The following MIOS variants were observed in gnomAD, a reference collection of about 807,000 sequenced individuals.
MIOS encodes meiosis regulator for oocyte development, also known as GATOR2 complex protein MIOS.
Under a neutral mutation model 96.9 loss-of-function variants are expected in MIOS, and 52 were observed. The observed-to-expected ratio is 0.54, with a 90% CI of 0.43 to 0.68. MIOS has a LOEUF of 0.68. Ranked by LOEUF, MIOS falls within the 30% of genes least tolerant of loss-of-function variation. The pLI, the probability that MIOS is intolerant of heterozygous loss-of-function variation, is 0.00. For missense variants in MIOS, 1,005 were observed against 1,052.8 expected, an observed-to-expected ratio of 0.95 and a Z score of 0.63; for synonymous variants, 397 against 359.5, an observed-to-expected ratio of 1.10 and a Z score of -1.18.
Position 7,593,914 on chromosome 7 carries a change from A to G in MIOS, c.2044-1066A>G, listed in dbSNP as rs577103022. 1.5e-3 allele frequency among the ~76,000 whole-genome samples: 225 copies of G among 151,662 alleles called. 1 individual carries two copies. Among genetic ancestry groups the G allele is most frequent in the Non-Finnish European group, 2.7e-3 (184 of 67,876 alleles). On this transcript the variant is annotated intron_variant, in intron 9 of 12. Transcript: ENST00000340080. ...AAAAAAAGAAAAAGAAAAGAAAAAA[A>G]GAAAACCTAAAGCAAGCATAGATGA...
At chr7:7,591,729 T>C (rs1784053774) in intron 9 of MIOS, among the ~76,000 whole-genome samples, 1 of 152,218 alleles carries the variant, frequency 6.6e-6, no homozygotes, top group South Asian at 2.1e-4. Context: ...GACCTTAATG[T>C]ACCTGGTTGT....
intron 10 of MIOS, among the ~76,000 whole-genome samples, chr7:7,595,753 A>G (rs1459592293): frequency 1.3e-5 from 2 of 152,236 alleles, no homozygotes; most frequent in East Asian, 1.9e-4. Flanking sequence ...AATCTATATG[A>G]TAAGTGATTA....
chr7:7,601,102 A>G (rs1784363257), intron 11 of MIOS, among the ~76,000 whole-genome samples: 1 of 152,206 alleles, frequency 6.6e-6, no homozygotes, highest in Non-Finnish European at 1.5e-5. Context: ...CTAAATGCCC[A>G]CGAGAGTAAG....
chr7:7,586,933 A>G (rs1434604020), intron 7 of MIOS, among the ~76,000 whole-genome samples: 1 of 151,858 alleles, frequency 6.6e-6, no homozygotes, highest in African/African-American at 2.4e-5. Context: ...TATTGTTTAA[A>G]TATTAAATTT....
At chr7:7,581,124 A>T (rs7810367) in intron 5 of MIOS, among the ~76,000 whole-genome samples, 10 of 150,808 alleles carry the variant, frequency 6.6e-5, no homozygotes, top group African/African-American at 2.2e-4. Context: ...GACTTCGAGA[A>T]CAGCCCGGCC....
chr7:7,572,283 C>G lies in MIOS; in HGVS notation c.-40-153C>G, dbSNP rs947613597. Reference sequence around the variant, plus strand: ...CTCCTTTTTTTTCAATAAATATTTTCTTGAATTCATAGCAGATAGAGAGAA... The same window carrying G: ...CTCCTTTTTTTTCAATAAATATTTTGTTGAATTCATAGCAGATAGAGAGAA... On this transcript the variant is annotated intron_variant, in intron 3 of 12. Transcript: ENST00000340080. The surrounding 1 kb of genome is among the most constrained non-coding windows in gnomAD (Gnocchi z 4.8). Among the ~76,000 whole-genome samples the G allele has an allele frequency of 6.6e-6, 1 of 151,848 alleles. No individual in the cohort carries two copies. Among genetic ancestry groups the G allele is most frequent in the Admixed American group, 6.6e-5 (1 of 15,250 alleles).
At chr7:7,585,408 ACC>A (rs11290571) in intron 6 of MIOS, among the ~76,000 whole-genome samples, 2 of 131,484 alleles carry the variant, frequency 1.5e-5, no homozygotes, top group Non-Finnish European at 3.3e-5. Flanking sequence ...CAAAACCCAA[ACC>A]CCCCCCTTTT....
Position 7,607,272 on chromosome 7 carries a change from A to T in MIOS, c.*180A>T. 1 of 500,882 alleles carries T rather than the reference A, an allele frequency of 2.0e-6. No individual in the cohort carries two copies. The highest frequency in any genetic ancestry group is 3.5e-6 in the Non-Finnish European group (1 of 286,866). The allele number at this position is 500,882 out of a possible 1,614,324, so 31.0% of individuals were successfully genotyped here. ...ATTTTGATATGCTTCACAGAGACAA[A>T]TGCTGCCAAAATAAACATCGAAGTA... On this transcript the variant is annotated 3_prime_UTR_variant, in exon 13 of 13. Transcript: ENST00000340080.
chr7:7,599,430 G>A (rs1784306939), intron 11 of MIOS, among the ~76,000 whole-genome samples: 1 of 152,140 alleles, frequency 6.6e-6, no homozygotes, highest in East Asian at 1.9e-4. Context: ...GAAAGAATTA[G>A]GAATTTTGAA....
intron 9 of MIOS, among the ~76,000 whole-genome samples, chr7:7,593,901 A>AAAC (rs376486803): frequency 0.02 from 2,902 of 144,600 alleles, 89 homozygotes; most frequent in Non-Finnish European, 0.033. Flanking sequence ...AAAAAGAAAA[A>AAAC]GAAAAGAAAA....
In MIOS at chr7:7,572,455, C is replaced by G. The variant is rs2115348088; in HGVS notation, c.-21C>G. The G allele has an allele frequency of 1.3e-6, 2 of 1,575,728 alleles. No homozygotes were observed. Among genetic ancestry groups the G allele is most frequent in the Non-Finnish European group, 1.7e-6 (2 of 1,152,706 alleles). ...TTTCAGTGAATGGACCTGAGTGGAC[C>G]CTTTGATCACATCAGTAAACATGAG... On this transcript the variant is annotated 5_prime_UTR_variant, in exon 4 of 13. Transcript: ENST00000340080. This position sits in a 1 kb window ranked among gnomAD's most constrained non-coding sequence, Gnocchi z 4.8.
chr7:7,581,913 T>A (rs1783740318), intron 5 of MIOS: 1 of 151,030 alleles, frequency 6.6e-6, no homozygotes, highest in African/African-American at 2.4e-5. Context: ...TAATTATATC[T>A]GCAAAATGCT....
rs116323145 is a variant in MIOS, at chr7:7,604,523, C to T, written c.2402-1419C>T. Among the ~76,000 whole-genome samples, 778 of 152,218 alleles carry T rather than the reference C, an allele frequency of 5.1e-3. 6 individuals are homozygous for T. Among genetic ancestry groups the T allele is most frequent in the African/African-American group, 0.018 (755 of 41,538 alleles). On this transcript the variant is annotated intron_variant, in intron 11 of 12. Coordinates refer to ENST00000340080, the MANE Select transcript of MIOS (RefSeq NM_019005.4). ...ACAGTAAAGAAGACAAAAATCGCTG[C>T]CCTTACAGAATTTAACTTCTGGACA...
At chr7:7,578,487 GTCTC>G (rs1563020254) in intron 5 of MIOS, among the ~76,000 whole-genome samples, 1 of 152,116 alleles carries the variant, frequency 6.6e-6, no homozygotes, top group Non-Finnish European at 1.5e-5. Flanking sequence ...TAGAGACCCT[GTCTC>G]TCTTTTTCTT....
rs1163186494 is a variant in MIOS at position 7,606,985 on chromosome 7, T to A, written c.2532-11T>A. 4 of 1,595,942 alleles carry A rather than the reference T, an allele frequency of 2.5e-6. No homozygotes were observed. The highest frequency in any genetic ancestry group is 1.1e-5 in the South Asian group (1 of 89,184). ...TTGGATTTTTAACTGTTATTTGACC[T>A]ATTTTTTTAGGGACCATGCAGAGTG... On this transcript the variant is annotated splice_polypyrimidine_tract_variant and intron_variant, in intron 12 of 12. Transcript: ENST00000340080.
chr7:7,594,092 A>G (rs1282874957), intron 9 of MIOS, among the ~76,000 whole-genome samples: 1 of 152,050 alleles, frequency 6.6e-6, no homozygotes, highest in African/African-American at 2.4e-5. Flanking sequence ...AGAACTAAGA[A>G]GGTATTTGGT....
At chr7:7,597,517 T>TATATATATATATATA (rs372634070) in intron 11 of MIOS, among the ~76,000 whole-genome samples, 5 of 70,440 alleles carry the variant, frequency 7.1e-5, no homozygotes, top group South Asian at 9.1e-4. Flanking sequence ...TATATATATA[T>TATATATATATATATA]GAAGGCAATA....
At position 7,574,480 on chromosome 7, in the gene MIOS, A is replaced by C. The variant is rs138135170; in HGVS notation, c.1393+284A>C. On this transcript the variant is annotated intron_variant, in intron 5 of 12. Transcript: ENST00000340080. ...TATTTTTTTGAAAACCCACTTTGAGAGGTTTTACACTAGACAATTTACAGA... is the reference window on the plus strand; with the variant it reads ...TATTTTTTTGAAAACCCACTTTGAGCGGTTTTACACTAGACAATTTACAGA... Among the ~76,000 whole-genome samples the C allele has an allele frequency of 3.2e-3, 489 of 152,222 alleles. 2 individuals are homozygous for C. Among genetic ancestry groups the C allele is most frequent in the African/African-American group, 0.011 (459 of 41,554 alleles).
chr7:7,586,155 CGT>C (rs10527974), intron 7 of MIOS, among the ~76,000 whole-genome samples: 11,212 of 149,784 alleles, frequency 0.075, 450 homozygotes, highest in Middle Eastern at 0.21. Context: ...CACACATGCA[CGT>C]GTGTGTGTGT....
Sources: allele counts gnomAD v4.1 joint callset (sites outside exome capture counted in the v4.1 genomes callset), GRCh38; gene constraint gnomAD v4.1.1; non-coding constraint Gnocchi (gnomAD v3.1); transcripts MANE v1.5; gene names NCBI Gene and HGNC (gene_info 2026-07-23, HGNC 2026-07-21).